Variants in ARHGAP15 observed in about 807,000 individuals in gnomAD.
ARHGAP15 encodes Rho GTPase activating protein 15.
Under a neutral mutation model 63.7 loss-of-function variants are expected in ARHGAP15, and 51 were observed. The observed-to-expected ratio is 0.80, with a 90% CI of 0.64 to 1.01. The LOEUF (loss-of-function observed/expected upper bound fraction) is 1.01. Among genes scored for constraint, ARHGAP15 ranks in the 50% least tolerant of loss-of-function variants. ARHGAP15 has a pLI of 0.00. For missense variants in ARHGAP15, 560 were observed against 564.6 expected, an observed-to-expected ratio of 0.99 and a Z score of 0.08; for synonymous variants, 191 against 193.8, an observed-to-expected ratio of 0.99 and a Z score of 0.12.
intron 5 of ARHGAP15, among the ~76,000 whole-genome samples, chr2:143,228,955 C>T (rs1693332585): frequency 6.6e-6 from 1 of 152,028 alleles, no homozygotes; most frequent in African/African-American, 2.4e-5. Flanking sequence ...TTATAAATGC[C>T]TTATTCTTAT....
chr2:143,636,058 T>G (rs956292302), intron 12 of ARHGAP15, among the ~76,000 whole-genome samples: 1 of 152,116 alleles, frequency 6.6e-6, no homozygotes, highest in Non-Finnish European at 1.5e-5. Flanking sequence ...GACAGTTAGT[T>G]CTTGGCCCCT....
At chr2:143,321,296 C>A (rs796340753) in intron 6 of ARHGAP15, among the ~76,000 whole-genome samples, 9 of 152,232 alleles carry the variant, frequency 5.9e-5, no homozygotes, top group African/African-American at 2.2e-4. Context: ...TTTTATATTG[C>A]AAGTGACAAA....
At chr2:143,521,764 T>C (rs1694072681) in intron 10 of ARHGAP15, among the ~76,000 whole-genome samples, 1 of 150,422 alleles carries the variant, frequency 6.6e-6, no homozygotes, top group South Asian at 2.1e-4. Context: ...TTGGCTGTTA[T>C]AAAAAAGATT....
chr2:143,170,035 G>A (rs776563453), intron 2 of ARHGAP15, among the ~76,000 whole-genome samples: 63 of 151,242 alleles, frequency 4.2e-4, no homozygotes, highest in Admixed American at 2.3e-3. Context: ...GTCAGGCCTG[G>A]CTCTGTACCT....
chr2:143,755,566 C>G (rs912590730), intron 13 of ARHGAP15, among the ~76,000 whole-genome samples: 1 of 152,122 alleles, frequency 6.6e-6, no homozygotes, highest in Non-Finnish European at 1.5e-5. Context: ...TTCTTTCCCC[C>G]CTGCTAACCA....
At chr2:143,219,483 G>C (rs544331780) in intron 4 of ARHGAP15, among the ~76,000 whole-genome samples, 1 of 152,188 alleles carries the variant, frequency 6.6e-6, no homozygotes, top group Non-Finnish European at 1.5e-5. Flanking sequence ...CATCTAAGTT[G>C]CCTCTAACTC....
rs182811295 is a variant in ARHGAP15, at chr2:143,284,431, A to G, written c.474+33831A>G. On this transcript the variant is annotated intron_variant, in intron 6 of 13. Transcript: ENST00000295095. ...AATGCAGCACTCTGGAAGCAATATG[A>G]AGTTTATATATGAGTATGTTTATTC... 3.5e-3 allele frequency among the ~76,000 whole-genome samples: 529 copies of G among 152,344 alleles called. 4 individuals carry two copies. The highest frequency in any genetic ancestry group is 0.012 in the African/African-American group (504 of 41,586).
intron 9 of ARHGAP15, among the ~76,000 whole-genome samples, chr2:143,505,568 A>G (rs1033348209): frequency 2.6e-5 from 4 of 152,174 alleles, no homozygotes; most frequent in African/African-American, 4.8e-5. Flanking sequence ...CTCTCCAATT[A>G]CATTCCTGGA....
In ARHGAP15 at chr2:143,757,623, T is replaced by C. The variant is rs537914463; in HGVS notation, c.1245-10366T>C. On this transcript the variant is annotated intron_variant, in intron 13 of 13. Transcript: ENST00000295095. ...CAGGCAATCTGCACAAAAAAGGCAG[T>C]ACCACAAATCAATGGAGAGTGGTGG... 4.6e-5 allele frequency among the ~76,000 whole-genome samples: 7 copies of C among 152,240 alleles called. No individual in the cohort carries two copies. In the South Asian group the frequency reaches 1.2e-3, roughly 27 times the overall value.
intron 6 of ARHGAP15, among the ~76,000 whole-genome samples, chr2:143,338,306 CT>C (rs1361209264): frequency 2.0e-5 from 3 of 152,106 alleles, no homozygotes; most frequent in Admixed American, 6.6e-5. Context: ...TTCATGGTAG[CT>C]AACAAATTTC....
At chr2:143,536,766 T>C (rs1694788431) in intron 10 of ARHGAP15, among the ~76,000 whole-genome samples, 1 of 151,708 alleles carries the variant, frequency 6.6e-6, no homozygotes, top group Admixed American at 6.6e-5. Flanking sequence ...CTTAATCCAG[T>C]CTATCATTGT....
At chr2:143,409,177 C>CT (rs1207730282) in intron 6 of ARHGAP15, among the ~76,000 whole-genome samples, 1 of 151,882 alleles carries the variant, frequency 6.6e-6, no homozygotes, top group East Asian at 1.9e-4. Context: ...AAAAGCTAGC[C>CT]TATGTAAAGC....
chr2:143,161,317 A>G (rs1176305179), intron 2 of ARHGAP15, among the ~76,000 whole-genome samples: 1 of 151,938 alleles, frequency 6.6e-6, no homozygotes, highest in East Asian at 1.9e-4. Flanking sequence ...CCTGTGAGAG[A>G]TTCAAATCGC....
At chr2:143,440,952 A>T (rs1311349024) in intron 8 of ARHGAP15, among the ~76,000 whole-genome samples, 1 of 152,232 alleles carries the variant, frequency 6.6e-6, no homozygotes, top group African/African-American at 2.4e-5. Context: ...CTTGCATCAG[A>T]TAACCTTGGC....
chr2:143,631,527 A>G (rs1699071390), intron 12 of ARHGAP15, among the ~76,000 whole-genome samples: 1 of 152,016 alleles, frequency 6.6e-6, no homozygotes, highest in African/African-American at 2.4e-5. Context: ...CTATGTGTGA[A>G]GTGGTATTTT....
At chr2:143,718,733 C>A (rs1183533888) in intron 13 of ARHGAP15, among the ~76,000 whole-genome samples, 4 of 152,230 alleles carry the variant, frequency 2.6e-5, no homozygotes, top group Non-Finnish European at 5.9e-5. Flanking sequence ...ACTCTGAAAA[C>A]TCACTTCACA....
intron 2 of ARHGAP15, among the ~76,000 whole-genome samples, chr2:143,190,840 G>T (rs552228886): frequency 2.0e-5 from 3 of 152,118 alleles, no homozygotes; most frequent in Non-Finnish European, 4.4e-5. Context: ...GTGCAATCTC[G>T]GCTCACTGCA....
chr2:143,315,278 C>A (rs76209818), intron 6 of ARHGAP15, among the ~76,000 whole-genome samples: 10,970 of 152,052 alleles, frequency 0.072, 520 homozygotes, highest in Middle Eastern at 0.11. Context: ...TATAACATTA[C>A]GGTACTATAT....
intron 5 of ARHGAP15, among the ~76,000 whole-genome samples, chr2:143,249,871 T>A (rs902730799): frequency 9.9e-5 from 15 of 152,132 alleles, no homozygotes; most frequent in South Asian, 2.1e-4. Context: ...AATGAAATTA[T>A]ATTTGTGTGT....
Sources: gnomAD v4.1 joint callset for allele counts (sites outside exome capture counted in the v4.1 genomes callset) on GRCh38, gnomAD v4.1.1 for gene constraint, MANE v1.5 for transcripts, NCBI Gene and HGNC (gene_info 2026-07-23, HGNC 2026-07-21) for gene names.